The following CD22 variants were observed in gnomAD, a reference collection of about 807,000 sequenced individuals.
CD22 encodes CD22 molecule, also known as B-cell receptor CD22.
In CD22, 51 loss-of-function variants were observed where a neutral mutation model predicts 94.7. That is an observed-to-expected ratio of 0.54 (90% CI 0.43 to 0.68). The LOEUF is 0.68. Ranked by LOEUF, CD22 falls within the 30% of genes least tolerant of loss-of-function variation. CD22 has a pLI of 0.00. For synonymous variants in CD22, 424 were observed against 422.5 expected, an observed-to-expected ratio of 1.00 and a Z score of -0.04; for missense variants, 931 against 1,060.4, an observed-to-expected ratio of 0.88 and a Z score of 1.69.
At position 35,332,742 on chromosome 19, in the gene CD22, A is replaced by G. The variant is rs1831210619; in HGVS notation, c.230A>G (p.Tyr77Cys). The change falls in exon 3 of 14, where the codon TAT becomes TGT. Residue 77 changes from tyrosine to cysteine, a missense_variant. Physicochemically the swap from Tyr to Cys is radical, Grantham distance 194. Coordinates refer to ENST00000085219, the MANE Select transcript of CD22 (RefSeq NM_001771.4). ...TCGAAGTTTGATGGGACAAGACTCT[A>G]TGAAAGCACAAAGGATGGGAAGGTT... Reference protein sequence around the residue: ...NTSKFDGTRLYESTKDGKVPS... With the variant: ...NTSKFDGTRLCESTKDGKVPS... 4 of 1,614,182 alleles carry G rather than the reference A, an allele frequency of 2.5e-6. No individual in the cohort carries two copies. Among genetic ancestry groups the G allele is most frequent in the Non-Finnish European group, 3.4e-6 (4 of 1,180,046 alleles).
chr19:35,340,043 G>A (rs967348395), intron 6 of CD22, among the ~76,000 whole-genome samples: 1 of 152,068 alleles, frequency 6.6e-6, no homozygotes, highest in Non-Finnish European at 1.5e-5. Flanking sequence ...GTAGAGCACA[G>A]GACAAAAAGA....
chr19:35,335,828 C>G (rs1276810273), intron 3 of CD22, among the ~76,000 whole-genome samples: 3 of 152,126 alleles, frequency 2.0e-5, no homozygotes, highest in African/African-American at 7.2e-5. Flanking sequence ...GCACTCCAGC[C>G]TGGGTGACAG....
intron 3 of CD22, among the ~76,000 whole-genome samples, chr19:35,334,870 A>G (rs1388615717): frequency 6.6e-6 from 1 of 151,918 alleles, no homozygotes; most frequent in Non-Finnish European, 1.5e-5. Context: ...CAAGGTCAGG[A>G]GATCGAGACC....
chr19:35,345,010 G>A (rs971424219), intron 10 of CD22, 41 bp from the exon 11 acceptor site: 19 of 1,605,510 alleles, frequency 1.2e-5, no homozygotes, highest in African/African-American at 4.0e-5. Context: ...CCTCCAGCCT[G>A]TGGAGTCCCT....
chr19:35,346,711 G>A lies in CD22; in HGVS notation c.*14G>A, dbSNP rs763862431. ...CTCAAACATTGACACTGGATGGGCT[G>A]CAGCAGAGGCACTGGGGGCAGCGGG... On this transcript the variant is annotated 3_prime_UTR_variant, in exon 14 of 14. Transcript: ENST00000085219. 5.0e-6 allele frequency: 8 copies of A among 1,593,228 alleles called. No individual in the cohort carries two copies. The highest frequency in any genetic ancestry group is 6.9e-6 in the Non-Finnish European group (8 of 1,167,494).
In CD22 at chr19:35,341,641, G is replaced by A; in HGVS notation, c.1771+35G>A. 1.2e-6 allele frequency: 2 copies of A among 1,607,786 alleles called. No individual in the cohort carries two copies. The highest frequency in any genetic ancestry group is 1.1e-5 in the South Asian group (1 of 90,838). On this transcript the variant is annotated intron_variant, in intron 8 of 13. Transcript: ENST00000085219. This position sits in a 1 kb window ranked among gnomAD's most constrained non-coding sequence, Gnocchi z 4.0. The stretch of plus-strand genomic sequence containing the variant: ...GGCCGGAGGCTGGGAGTGGAGCAGA[G>A]AAGGGACCAGTGGCCTGCCTGGTAG...
chr19:35,332,845 C>T lies in CD22; in HGVS notation c.333C>T (p.Leu111=), dbSNP rs146453327. The change falls in exon 3 of 14, where the codon CTC becomes CTT. Residue 111 remains leucine (L), a synonymous_variant. Coordinates refer to ENST00000085219, the MANE Select transcript of CD22 (RefSeq NM_001771.4). ...CACTGAGTATCCACCCGGTGCACCTCAATGACAGTGGTCAGCTGGGGCTGA... is the reference window on the plus strand; with the variant it reads ...CACTGAGTATCCACCCGGTGCACCTTAATGACAGTGGTCAGCTGGGGCTGA... ...NCTLSIHPVH[L]NDSGQLGLRM... 3.1e-6 allele frequency: 5 copies of T among 1,614,182 alleles called. No individual in the cohort carries two copies. The East Asian group carries it at 8.9e-5, about 29-fold the overall frequency.
At position 35,341,710 on chromosome 19, in the gene CD22, A is replaced by G. The variant is rs1599686595; in HGVS notation, c.1780A>G (p.Arg594Gly). The change falls in exon 9 of 14, where the codon AGG (arginine) becomes GGG (glycine). Residue 594 changes from arginine to glycine, a missense_variant. Physicochemically the swap from Arg to Gly is moderately radical, Grantham distance 125. Coordinates refer to ENST00000085219, the MANE Select transcript of CD22 (RefSeq NM_001771.4). The surrounding 1 kb of genome is among the most constrained non-coding windows in gnomAD (Gnocchi z 4.0). ...CCCTGCCCGCCATGCAGATGCACCCAGGAGGCTGCGTGTGTCCATGAGCCC... is the reference window on the plus strand; with the variant it reads ...CCCTGCCCGCCATGCAGATGCACCCGGGAGGCTGCGTGTGTCCATGAGCCC... ...AWTLEVLYAP[R>G]RLRVSMSPGD... 6 of 1,610,504 alleles carry G rather than the reference A, an allele frequency of 3.7e-6. No homozygotes were observed. Among genetic ancestry groups the G allele is most frequent in the Non-Finnish European group, 5.1e-6 (6 of 1,179,760 alleles).
chr19:35,331,710 G>C (rs139599658), intron 1 of CD22: 1 of 295,248 alleles, frequency 3.4e-6, no homozygotes, highest in Non-Finnish European at 6.5e-6. Context: ...TCAGCCAGGC[G>C]TGGTGGCACC....
rs1398746410 is a variant in CD22 at position 35,337,432 on chromosome 19, G to C, written c.719-323G>C. On this transcript the variant is annotated intron_variant, in intron 4 of 13. Coordinates refer to ENST00000085219, the MANE Select transcript of CD22 (RefSeq NM_001771.4). This position sits in a 1 kb window ranked among gnomAD's most constrained non-coding sequence, Gnocchi z 4.4. Reference sequence around the variant, plus strand: ...CTGAGGGCCACATGGTAGGACAGGAGGCAGGAGATGGAGCAGGACTCTGGA... The same window carrying C: ...CTGAGGGCCACATGGTAGGACAGGACGCAGGAGATGGAGCAGGACTCTGGA... Among the ~76,000 whole-genome samples the C allele has an allele frequency of 6.6e-6, 1 of 152,134 alleles. No homozygotes were observed. Among genetic ancestry groups the C allele is most frequent in the African/African-American group, 2.4e-5 (1 of 41,410 alleles).
chr19:35,332,032 C>G lies in CD22; in HGVS notation c.-9C>G. ...TCCCCTGCTCAGGCTTGCACCCAGA[C>G]ACGACACCATGCATCTCCTCGGCCC... On this transcript the variant is annotated 5_prime_UTR_variant, in exon 2 of 14. Transcript: ENST00000085219. 1 of 1,613,864 alleles carries G rather than the reference C, an allele frequency of 6.2e-7. No individual in the cohort carries two copies. The highest frequency in any genetic ancestry group is 8.5e-7 in the Non-Finnish European group (1 of 1,179,828).
chr19:35,338,476 A>C (rs1035579169), intron 6 of CD22, 45 bp downstream of exon 6: 2 of 1,581,520 alleles, frequency 1.3e-6, no homozygotes, highest in Non-Finnish European at 1.7e-6. Flanking sequence ...GAAGATGGAC[A>C]CAGGGAACGG....
Position 35,341,813 on chromosome 19 carries a change from C to G in CD22, c.1883C>G (p.Thr628Ser), listed in dbSNP as rs1290227783. The G allele has an allele frequency of 6.2e-7, 1 of 1,614,000 alleles. No individual in the cohort carries two copies. Among genetic ancestry groups the G allele is most frequent in the Non-Finnish European group, 8.5e-7 (1 of 1,180,026 alleles). ...SDANPPVSHY[T>S]WFDWNNQSLP... ...GCCAACCCTCCCGTCTCCCACTACA[C>G]CTGGTTTGACTGGAATAACCAAAGC... The change falls in exon 9 of 14, where the codon ACC becomes AGC. Residue 628 changes from threonine (T) to serine (S), a missense_variant. By Grantham distance (58) the Thr-to-Ser change is moderately conservative. Coordinates refer to ENST00000085219, the MANE Select transcript of CD22 (RefSeq NM_001771.4). The surrounding 1 kb of genome is among the most constrained non-coding windows in gnomAD (Gnocchi z 4.0).
At chr19:35,345,923 C>G (rs10413500) in intron 12 of CD22, among the ~76,000 whole-genome samples, 24,895 of 152,222 alleles carry the variant, frequency 0.16, 2,259 homozygotes, top group South Asian at 0.29. Flanking sequence ...GCACACATGC[C>G]CAGTCCGTTC....
intron 2 of CD22, 26 bp downstream of exon 2, chr19:35,332,100 C>T (rs752415283): frequency 2.5e-6 from 4 of 1,613,840 alleles, no homozygotes; most frequent in Middle Eastern, 1.7e-4. Flanking sequence ...TGGGCTAGTA[C>T]TGGGGTTCTG....
In CD22 at chr19:35,337,498, C is replaced by T. The variant is rs2066742130; in HGVS notation, c.719-257C>T. Among the ~76,000 whole-genome samples the T allele has an allele frequency of 1.3e-5, 2 of 152,108 alleles. No homozygotes were observed. Among genetic ancestry groups the T allele is most frequent in the South Asian group, 2.1e-4 (1 of 4,828 alleles). ...TGAGGGTTTGGGATTCTATGCAAAG[C>T]ACAGAACCCGCTCGTGGTTTCCAGC... On this transcript the variant is annotated intron_variant, in intron 4 of 13. Coordinates refer to ENST00000085219, the MANE Select transcript of CD22 (RefSeq NM_001771.4). The surrounding 1 kb of genome is among the most constrained non-coding windows in gnomAD (Gnocchi z 4.4).
At chr19:35,343,133 C>A (rs2066844266) in intron 9 of CD22, among the ~76,000 whole-genome samples, 1 of 150,400 alleles carries the variant, frequency 6.6e-6, no homozygotes, top group African/African-American at 2.5e-5. Flanking sequence ...AGGGTCTCAC[C>A]CTGTTGCACA....
rs1412145414 is a variant in CD22 at position 35,341,951 on chromosome 19, C to T, written c.2021C>T (p.Thr674Ile). ...GGCAAGGGCCGTTCGCCTCTCAGCA[C>T]CCTCACCGTCTACTGTAAGGCCTCT... ...SVGKGRSPLS[T>I]LTVYYSPETI... The change falls in exon 9 of 14, where the codon ACC becomes ATC. Residue 674 changes from threonine (T) to isoleucine (I), a missense_variant. Coordinates refer to ENST00000085219, the MANE Select transcript of CD22 (RefSeq NM_001771.4). The surrounding 1 kb of genome is among the most constrained non-coding windows in gnomAD (Gnocchi z 4.0). 12 of 1,612,622 alleles carry T rather than the reference C, an allele frequency of 7.4e-6. No individual in the cohort carries two copies. Among genetic ancestry groups the T allele is most frequent in the South Asian group, 1.1e-5 (1 of 90,962 alleles).
intron 9 of CD22, 92 bp downstream of exon 9, chr19:35,342,057 T>TTC (rs1568490226): frequency 0.075 from 55,989 of 749,652 alleles, 3,227 homozygotes; most frequent in South Asian, 0.14. Context: ...TTCCTTCCTT[T>TTC]CTTTCTCTCT....
Sources: gnomAD v4.1 joint callset for allele counts (sites outside exome capture counted in the v4.1 genomes callset) on GRCh38, gnomAD v4.1.1 for gene constraint, Gnocchi (gnomAD v3.1) non-coding constraint, MANE v1.5 for transcripts, NCBI Gene and HGNC (gene_info 2026-07-23, HGNC 2026-07-21) for gene names.